The following L3MBTL4 variants were observed in gnomAD, a reference collection of about 807,000 sequenced individuals.
L3MBTL4 encodes L3MBTL histone methyl-lysine binding protein 4, also known as lethal(3)malignant brain tumor-like protein 4.
A neutral mutation model predicts 84.5 loss-of-function variants in L3MBTL4; 70 were observed. The ratio of observed to expected loss-of-function variants is 0.83; its 90% confidence interval spans 0.68 to 1.01. The LOEUF (loss-of-function observed/expected upper bound fraction) is 1.01, where lower values mean the gene tolerates loss of function less well. Among genes scored for constraint, L3MBTL4 ranks in the 50% least tolerant of loss-of-function variants. The pLI is 0.00. For missense variants in L3MBTL4, 715 were observed against 754.8 expected (o/e 0.95, Z 0.62); for synonymous variants, 274 against 259.8 (o/e 1.05, Z -0.52).
chr18:6,218,039 C>T (rs1022776226), intron 10 of L3MBTL4, among the ~76,000 whole-genome samples: 1 of 151,976 alleles, frequency 6.6e-6, no homozygotes, highest in African/African-American at 2.4e-5. Context: ...GTTTCCTTTG[C>T]TTTCTATCCT....
chr18:6,029,154 A>T (rs2055654555), intron 16 of L3MBTL4, among the ~76,000 whole-genome samples: 1 of 152,212 alleles, frequency 6.6e-6, no homozygotes, highest in Non-Finnish European at 1.5e-5. Context: ...AATTTCTATC[A>T]GCAAATAAAA....
At chr18:6,269,138 C>T (rs1252078244) in intron 4 of L3MBTL4, among the ~76,000 whole-genome samples, 1 of 152,182 alleles carries the variant, frequency 6.6e-6, no homozygotes, top group African/African-American at 2.4e-5. Context: ...TAAGGTCGCT[C>T]ATGGATGGTG....
At chr18:6,050,850 ATG>A (rs2056814871) in intron 16 of L3MBTL4, among the ~76,000 whole-genome samples, 1 of 152,178 alleles carries the variant, frequency 6.6e-6, no homozygotes, top group South Asian at 2.1e-4. Flanking sequence ...TTGTTGTAGA[ATG>A]TGTATTGATC....
chr18:6,392,431 C>T (rs2055095141), intron 1 of L3MBTL4, among the ~76,000 whole-genome samples: 1 of 152,172 alleles, frequency 6.6e-6, no homozygotes. Context: ...CGCCTATAAT[C>T]CCAGCTACTC....
intron 16 of L3MBTL4, among the ~76,000 whole-genome samples, chr18:6,066,632 C>G (rs1015296706): frequency 1.3e-5 from 2 of 151,860 alleles, no homozygotes; most frequent in Non-Finnish European, 2.9e-5. Context: ...CTTTTTTTAA[C>G]TGTTGTTGCT....
At chr18:6,413,065 A>G (rs1423611451) in intron 1 of L3MBTL4, among the ~76,000 whole-genome samples, 1 of 152,156 alleles carries the variant, frequency 6.6e-6, no homozygotes, top group Admixed American at 6.6e-5. Context: ...AGCCTGGGTG[A>G]CAGAGTGAGA....
In L3MBTL4 at chr18:5,989,679, T is replaced by C. The variant is rs143979106; in HGVS notation, c.1445-20117A>G. Among the ~76,000 whole-genome samples, 279 of 152,306 alleles carry C rather than the reference T, an allele frequency of 1.8e-3. 2 individuals carry two copies. Among genetic ancestry groups the C allele is most frequent in the African/African-American group, 5.9e-3 (244 of 41,576 alleles). ...ACTTGGGAATCTTGTTTATGCAGAATTGGGGCAGGGAGGGAAAGCTGAGAT... is the reference window on the plus strand; with the variant it reads ...ACTTGGGAATCTTGTTTATGCAGAACTGGGGCAGGGAGGGAAAGCTGAGAT... On this transcript the variant is annotated intron_variant, in intron 16 of 18. Coordinates refer to ENST00000317931, the MANE Select transcript of L3MBTL4 (RefSeq NM_001330559.2).
chr18:6,376,226 A>G (rs2144270309), intron 1 of L3MBTL4, among the ~76,000 whole-genome samples: 1 of 152,256 alleles, frequency 6.6e-6, no homozygotes, highest in African/African-American at 2.4e-5. Flanking sequence ...GGAGCACGGC[A>G]CCCAAATCCT....
At chr18:5,981,644 C>T (rs2053221605) in intron 16 of L3MBTL4, among the ~76,000 whole-genome samples, 1 of 145,298 alleles carries the variant, frequency 6.9e-6, no homozygotes, top group East Asian at 2.0e-4. Context: ...AGCAAGACTC[C>T]TTTCTTTGAG....
intron 1 of L3MBTL4, among the ~76,000 whole-genome samples, chr18:6,342,598 G>A (rs899008142): frequency 6.6e-6 from 1 of 151,878 alleles, no homozygotes; most frequent in Non-Finnish European, 1.5e-5. Flanking sequence ...GAGAAAGATA[G>A]AGGAATCAAA....
intron 16 of L3MBTL4, among the ~76,000 whole-genome samples, chr18:5,979,626 G>C (rs1307205512): frequency 6.6e-6 from 1 of 152,060 alleles, no homozygotes. Flanking sequence ...ACCACACCAG[G>C]GGCATTTTTT....
intron 3 of L3MBTL4, among the ~76,000 whole-genome samples, chr18:6,309,038 T>C (rs751577206): frequency 1.8e-4 from 27 of 152,198 alleles, no homozygotes; most frequent in Non-Finnish European, 3.8e-4. Context: ...ATATCCAAGG[T>C]ATGAAATTAC....
At chr18:6,265,724 T>A (rs1281880151) in intron 4 of L3MBTL4, among the ~76,000 whole-genome samples, 1 of 151,934 alleles carries the variant, frequency 6.6e-6, no homozygotes, top group Non-Finnish European at 1.5e-5. Context: ...CACAGAAAAA[T>A]AAATACTGCA....
At chr18:6,137,095 ACT>A (rs1287180717) in intron 14 of L3MBTL4, among the ~76,000 whole-genome samples, 1 of 151,924 alleles carries the variant, frequency 6.6e-6, no homozygotes, top group Non-Finnish European at 1.5e-5. Flanking sequence ...CCTGGGACAA[ACT>A]CTTTCCTCTG....
rs77125130 is a variant in L3MBTL4 at position 6,105,126 on chromosome 18, C to T, written c.1200-11598G>A. ...ATTACTTTTTCTGCCATACACTATTCTAAATTATTATTCAAATAATTGGTT... is the reference window on the plus strand; with the variant it reads ...ATTACTTTTTCTGCCATACACTATTTTAAATTATTATTCAAATAATTGGTT... On this transcript the variant is annotated intron_variant, in intron 14 of 18. Coordinates refer to ENST00000317931, the MANE Select transcript of L3MBTL4 (RefSeq NM_001330559.2). Among the ~76,000 whole-genome samples the T allele has an allele frequency of 5.8e-3, 868 of 149,624 alleles. 39 individuals carry two copies. In the East Asian group the frequency reaches 0.12, roughly 21 times the overall value.
In L3MBTL4 at chr18:6,137,066, T is replaced by A. The variant is rs566524552; in HGVS notation, c.1199+1128A>T. Among the ~76,000 whole-genome samples, 34 of 152,334 alleles carry A rather than the reference T, an allele frequency of 2.2e-4. 2 individuals carry two copies. The South Asian group carries it at 6.6e-3, about 30-fold the overall frequency. ...TCTTGCTCAAAAACTTGCTTTGGTC[T>A]CTCACTCTGCCTTATGCCCCTGGGA... is the stretch of plus-strand genomic sequence containing the variant. On this transcript the variant is annotated intron_variant, in intron 14 of 18. Transcript: ENST00000317931.
intron 12 of L3MBTL4, among the ~76,000 whole-genome samples, chr18:6,182,492 C>G (rs1204313054): frequency 6.6e-6 from 1 of 152,172 alleles, no homozygotes; most frequent in Non-Finnish European, 1.5e-5. Context: ...TGTAGGCTGT[C>G]CATTTACTCT....
chr18:6,411,886 AC>A (rs2144761381), intron 1 of L3MBTL4, among the ~76,000 whole-genome samples: 1 of 152,318 alleles, frequency 6.6e-6, no homozygotes, highest in South Asian at 2.1e-4. Flanking sequence ...GTTTTTCACA[AC>A]GCAAAATCAT....
At chr18:6,361,670 T>C (rs1468203185) in intron 1 of L3MBTL4, among the ~76,000 whole-genome samples, 1 of 152,190 alleles carries the variant, frequency 6.6e-6, no homozygotes, top group Non-Finnish European at 1.5e-5. Flanking sequence ...AAAGAGACAG[T>C]CCTGGACAGT....
Sources: gnomAD v4.1 joint callset for allele counts (sites outside exome capture counted in the v4.1 genomes callset) on GRCh38, gnomAD v4.1.1 for gene constraint, MANE v1.5 for transcripts, NCBI Gene and HGNC (gene_info 2026-07-23, HGNC 2026-07-21) for gene names.